CNTLN: variants seen among roughly 807,000 people sequenced by gnomAD.
CNTLN encodes centlein.
CNTLN carries 212 observed loss-of-function variants against 180.0 expected under a neutral mutation model. The observed-to-expected ratio is 1.18, with a 90% confidence interval of 1.05 to 1.32. CNTLN has a LOEUF of 1.32. CNTLN is among the 40% of genes most tolerant of loss of function. The probability of loss-of-function intolerance (pLI) is 0.00; values close to 1 mark genes in which losing one functional copy is unlikely to be tolerated. For synonymous variants in CNTLN, 722 were observed against 563.1 expected, an observed-to-expected ratio of 1.28 and a Z score of -3.99; for missense variants, 2,095 against 1,610.9, an observed-to-expected ratio of 1.30 and a Z score of -5.14.
At chr9:17,235,313 A>G (rs933506060) in intron 3 of CNTLN, among the ~76,000 whole-genome samples, 2 of 152,212 alleles carry the variant, frequency 1.3e-5, no homozygotes, top group Non-Finnish European at 2.9e-5. Flanking sequence ...ATAAAAGAAT[A>G]AGGAATTATG....
intron 13 of CNTLN, among the ~76,000 whole-genome samples, chr9:17,377,157 A>G (rs537292143): frequency 2.6e-5 from 4 of 152,320 alleles, no homozygotes; most frequent in South Asian, 4.1e-4. Flanking sequence ...TTGTCTCTCT[A>G]TATAACGAAT....
At chr9:17,433,354 G>C (rs1829546429) in intron 18 of CNTLN, among the ~76,000 whole-genome samples, 1 of 150,392 alleles carries the variant, frequency 6.6e-6, no homozygotes, top group Non-Finnish European at 1.5e-5. Context: ...GCGCAATCTT[G>C]GCTCACTGCA....
chr9:17,237,691 C>A (rs887521279), intron 5 of CNTLN, among the ~76,000 whole-genome samples: 2 of 151,740 alleles, frequency 1.3e-5, no homozygotes, highest in African/African-American at 4.8e-5. Context: ...TTTGGAGACC[C>A]CTGGCTGGGT....
At chr9:17,486,751 A>G (rs1832908988) in intron 24 of CNTLN, among the ~76,000 whole-genome samples, 1 of 152,146 alleles carries the variant, frequency 6.6e-6, no homozygotes, top group East Asian at 1.9e-4. Context: ...GTGAAGGTAG[A>G]AATTAAATAT....
At chr9:17,264,007 G>C (rs1827211613) in intron 5 of CNTLN, among the ~76,000 whole-genome samples, 1 of 145,934 alleles carries the variant, frequency 6.9e-6, no homozygotes, top group Non-Finnish European at 1.5e-5. Context: ...TGTTCACTCT[G>C]ATGATAGTTT....
At position 17,365,435 on chromosome 9, in the gene CNTLN, A is replaced by G. The variant is rs149314996; in HGVS notation, c.1887-1182A>G. On this transcript the variant is annotated intron_variant, in intron 12 of 25. Coordinates refer to ENST00000380647, the MANE Select transcript of CNTLN (RefSeq NM_017738.4). ...TACGTAGTCTCAGGAGGTTTTTTTT[A>G]TAGCAAAGTGAGAATAGACTAATAC... Among the ~76,000 whole-genome samples, 994 of 152,130 alleles carry G rather than the reference A, an allele frequency of 6.5e-3. 7 individuals are homozygous for G. The highest frequency in any genetic ancestry group is 0.023 in the African/African-American group (957 of 41,516).
At chr9:17,371,557 T>A (rs756780177) in intron 13 of CNTLN, among the ~76,000 whole-genome samples, 1 of 152,108 alleles carries the variant, frequency 6.6e-6, no homozygotes, top group Non-Finnish European at 1.5e-5. Context: ...ATTGGACAGA[T>A]CTTCCAGACA....
intron 13 of CNTLN, among the ~76,000 whole-genome samples, chr9:17,379,048 A>G (rs1321785822): frequency 7.1e-6 from 1 of 140,622 alleles, no homozygotes; most frequent in African/African-American, 2.6e-5. Flanking sequence ...TGCTACATTG[A>G]CAGATTTTTT....
chr9:17,179,101 G>T (rs1247454705), intron 2 of CNTLN, among the ~76,000 whole-genome samples: 2 of 150,212 alleles, frequency 1.3e-5, no homozygotes, highest in Non-Finnish European at 3.0e-5. Flanking sequence ...AAAATTAGCC[G>T]GGCGTAGTGG....
chr9:17,165,959 C>G (rs1224881017), intron 2 of CNTLN, among the ~76,000 whole-genome samples: 2 of 152,198 alleles, frequency 1.3e-5, no homozygotes, highest in East Asian at 3.8e-4. Context: ...CCACCCCCAT[C>G]CTAGGTCAAG....
chr9:17,274,350 T>C (rs1273838438), intron 6 of CNTLN, among the ~76,000 whole-genome samples: 1 of 150,004 alleles, frequency 6.7e-6, no homozygotes, highest in African/African-American at 2.5e-5. Flanking sequence ...TTTCTGTTTT[T>C]TAAAGATGTT....
chr9:17,295,989 AGAGAGAGAGTGTGTGTGTGTGT>A (rs1332594382), intron 6 of CNTLN, among the ~76,000 whole-genome samples: 1,536 of 83,394 alleles, frequency 0.018, 23 homozygotes, highest in African/African-American at 0.081. Context: ...AGAGAGAGAG[AGAGAGAGAGTGTGTGTGTGTGT>A]GTGTGTGTGT....
the CNTLN span, among the ~76,000 whole-genome samples, chr9:17,519,570 TG>T: frequency 6.6e-6 from 1 of 152,202 alleles, no homozygotes; most frequent in Non-Finnish European, 1.5e-5. Context: ...TGTAAATACA[TG>T]GGATGCAGGG....
Position 17,398,049 on chromosome 9 carries a change from T to A in CNTLN, c.2615+2980T>A, listed in dbSNP as rs542366996. Among the ~76,000 whole-genome samples, 217 of 152,068 alleles carry A rather than the reference T, an allele frequency of 1.4e-3. 1 individual carries two copies. The highest frequency in any genetic ancestry group is 4.3e-3 in the African/African-American group (179 of 41,550). On this transcript the variant is annotated intron_variant, in intron 15 of 25. Coordinates refer to ENST00000380647, the MANE Select transcript of CNTLN (RefSeq NM_017738.4). ...ATGTATATATATAATTTTGTATATA[T>A]AAAATACTATATCATATGATTATCA...
the CNTLN span, among the ~76,000 whole-genome samples, chr9:17,524,975 A>T: frequency 6.6e-6 from 1 of 152,234 alleles, no homozygotes; most frequent in South Asian, 2.1e-4. Flanking sequence ...AAATCAGTTA[A>T]GACCACTCTG....
intron 8 of CNTLN, among the ~76,000 whole-genome samples, chr9:17,323,206 C>T (rs531127496): frequency 6.6e-6 from 1 of 152,186 alleles, no homozygotes; most frequent in East Asian, 1.9e-4. Context: ...AAAGGAGTTA[C>T]TCTGAATTCA....
intron 16 of CNTLN, among the ~76,000 whole-genome samples, chr9:17,412,715 C>G (rs1827944378): frequency 6.6e-6 from 1 of 152,158 alleles, no homozygotes; most frequent in African/African-American, 2.4e-5. Flanking sequence ...GTATTAAATG[C>G]ATTTTTGATT....
At chr9:17,473,549 C>G (rs1239448547) in intron 23 of CNTLN, among the ~76,000 whole-genome samples, 1 of 151,306 alleles carries the variant, frequency 6.6e-6, no homozygotes, top group African/African-American at 2.4e-5. Context: ...CCAATATTCC[C>G]TCTATATTGG....
At chr9:17,171,674 G>A (rs890329638) in intron 2 of CNTLN, among the ~76,000 whole-genome samples, 7 of 152,044 alleles carry the variant, frequency 4.6e-5, no homozygotes, top group African/African-American at 1.7e-4. Context: ...CATGTGTGGA[G>A]GGAGGGATGG....
Sources: gnomAD v4.1 joint callset for allele counts (sites outside exome capture counted in the v4.1 genomes callset) on GRCh38, gnomAD v4.1.1 for gene constraint, MANE v1.5 for transcripts, NCBI Gene and HGNC (gene_info 2026-07-23, HGNC 2026-07-21) for gene names.